INPP4B: variants seen among roughly 807,000 people sequenced by gnomAD.
The protein encoded by INPP4B is inositol polyphosphate-4-phosphatase type II B.
INPP4B carries 55 observed loss-of-function variants against 122.5 expected under a neutral mutation model. The ratio of observed to expected loss-of-function variants is 0.45; its 90% confidence interval spans 0.36 to 0.56. The LOEUF (loss-of-function observed/expected upper bound fraction) is 0.56. Ranked by LOEUF, INPP4B falls within the 20% of genes least tolerant of loss-of-function variation. INPP4B has a pLI of 0.00. For missense variants in INPP4B, 1,000 were observed against 1,097.7 expected, an observed-to-expected ratio of 0.91 and a Z score of 1.26; for synonymous variants, 403 against 388.7, an observed-to-expected ratio of 1.04 and a Z score of -0.43.
At chr4:142,618,512 G>A (rs971253794) in intron 2 of INPP4B, among the ~76,000 whole-genome samples, 1 of 151,958 alleles carries the variant, frequency 6.6e-6, no homozygotes, top group Non-Finnish European at 1.5e-5. Flanking sequence ...AAACAGCACT[G>A]GGGAAACTAG....
intron 14 of INPP4B, among the ~76,000 whole-genome samples, chr4:142,193,854 A>C (rs1467860001): frequency 6.6e-6 from 1 of 152,150 alleles, no homozygotes; most frequent in Admixed American, 6.6e-5. Context: ...TAATCCTTTG[A>C]TCTTGAAAGC....
chr4:142,177,648 A>G (rs62328226), intron 15 of INPP4B, among the ~76,000 whole-genome samples: 3,583 of 152,176 alleles, frequency 0.024, 65 homozygotes, highest in Non-Finnish European at 0.041. Flanking sequence ...TAATATATTC[A>G]TTTAAATACG....
chr4:142,113,042 C>A (rs1024266994), intron 21 of INPP4B, among the ~76,000 whole-genome samples: 2 of 151,986 alleles, frequency 1.3e-5, no homozygotes, highest in Non-Finnish European at 2.9e-5. Context: ...TTAATGACTG[C>A]TGTTTCAATA....
intron 2 of INPP4B, among the ~76,000 whole-genome samples, chr4:142,675,138 A>T (rs911104209): frequency 6.6e-5 from 10 of 152,002 alleles, no homozygotes; most frequent in African/African-American, 1.9e-4. Context: ...GAAGAATCAA[A>T]TAGATGCAAT....
chr4:142,568,688 C>A (rs1036103015), intron 2 of INPP4B, among the ~76,000 whole-genome samples: 2 of 152,000 alleles, frequency 1.3e-5, no homozygotes, highest in Admixed American at 1.3e-4. Flanking sequence ...CATTAATAAT[C>A]CTGTTAGATA....
intron 1 of INPP4B, among the ~76,000 whole-genome samples, chr4:142,730,956 G>GT (rs200432603): frequency 2.0e-3 from 166 of 84,982 alleles, no homozygotes; most frequent in South Asian, 3.9e-3. Flanking sequence ...GCCGCACCAA[G>GT]TTTTTTTTTA....
chr4:142,531,517 C>T (rs540650265), intron 2 of INPP4B, among the ~76,000 whole-genome samples: 2 of 151,324 alleles, frequency 1.3e-5, no homozygotes, highest in East Asian at 1.9e-4. Context: ...ATGTAGCTGC[C>T]TGTGGACATT....
At chr4:142,838,401 G>C (rs1037931305) in intron 1 of INPP4B, among the ~76,000 whole-genome samples, 4 of 151,296 alleles carry the variant, frequency 2.6e-5, no homozygotes, top group African/African-American at 9.7e-5. Context: ...TTGAGTAGAA[G>C]CCAGCTGTAT....
At chr4:142,174,449 TGAG>T (rs2152953477) in intron 15 of INPP4B, among the ~76,000 whole-genome samples, 1 of 152,118 alleles carries the variant, frequency 6.6e-6, no homozygotes, top group South Asian at 2.1e-4. Context: ...AGCTGAGAAA[TGAG>T]GAGAAAATTA....
chr4:142,493,789 A>T (rs193235329), intron 2 of INPP4B, among the ~76,000 whole-genome samples: 1 of 152,234 alleles, frequency 6.6e-6, no homozygotes, highest in East Asian at 1.9e-4. Flanking sequence ...TGAATGAGCT[A>T]AGACTTTGGG....
At chr4:142,066,774 G>T (rs1763738602) in intron 25 of INPP4B, among the ~76,000 whole-genome samples, 1 of 152,328 alleles carries the variant, frequency 6.6e-6, no homozygotes, top group South Asian at 2.1e-4. Flanking sequence ...GAGGCTGAGG[G>T]AGGGGCATCT....
At chr4:142,599,307 T>C (rs570249424) in intron 2 of INPP4B, among the ~76,000 whole-genome samples, 3 of 152,268 alleles carry the variant, frequency 2.0e-5, no homozygotes, top group East Asian at 3.9e-4. Flanking sequence ...CTGCCACCAA[T>C]TGGGGCCCAA....
intron 1 of INPP4B, among the ~76,000 whole-genome samples, chr4:142,776,994 T>A (rs12500163): frequency 0.084 from 12,706 of 152,134 alleles, 611 homozygotes; most frequent in Middle Eastern, 0.13. Context: ...TGCAAAAATT[T>A]TACATGATAG....
At chr4:142,628,419 G>C (rs1747051977) in intron 2 of INPP4B, among the ~76,000 whole-genome samples, 1 of 61,822 alleles carries the variant, frequency 1.6e-5, no homozygotes, top group African/African-American at 4.9e-5. Flanking sequence ...TGTGGGGTGG[G>C]GGGAGGGGGG....
chr4:142,133,256 AT>A (rs1219367736), intron 18 of INPP4B, among the ~76,000 whole-genome samples: 13 of 152,192 alleles, frequency 8.5e-5, no homozygotes, highest in Non-Finnish European at 2.9e-5. Flanking sequence ...TACCATCTAC[AT>A]AATAACAATT....
chr4:142,128,342 T>TACACAC (rs3836673), intron 18 of INPP4B, among the ~76,000 whole-genome samples: 6 of 147,570 alleles, frequency 4.1e-5, no homozygotes, highest in African/African-American at 1.3e-4. Context: ...CGTACTTTTA[T>TACACAC]ACACACACAC....
At chr4:142,418,703 G>A (rs1806253849) in intron 5 of INPP4B, among the ~76,000 whole-genome samples, 1 of 152,150 alleles carries the variant, frequency 6.6e-6, no homozygotes, top group Non-Finnish European at 1.5e-5. Flanking sequence ...TTGATAGAGA[G>A]TGAGCTAGAA....
chr4:142,114,721 T>C (rs1792110877), intron 21 of INPP4B, among the ~76,000 whole-genome samples: 1 of 152,060 alleles, frequency 6.6e-6, no homozygotes, highest in Admixed American at 6.6e-5. Flanking sequence ...GGCTTGTCTT[T>C]TTACTTACTT....
intron 12 of INPP4B, among the ~76,000 whole-genome samples, chr4:142,229,760 T>C (rs568700734): frequency 6.6e-6 from 1 of 152,260 alleles, no homozygotes; most frequent in South Asian, 2.1e-4. Context: ...ATCCAAATAA[T>C]ACTACAAGGA....
Sources: gnomAD v4.1 joint callset for allele counts (sites outside exome capture counted in the v4.1 genomes callset) on GRCh38, gnomAD v4.1.1 for gene constraint, MANE v1.5 for transcripts, NCBI Gene and HGNC (gene_info 2026-07-23, HGNC 2026-07-21) for gene names.